RNF212B: variants seen among roughly 807,000 people sequenced by gnomAD.
RNF212B encodes the protein E3 ubiquitin-protein ligase RNF212B.
Under a neutral mutation model 55.5 loss-of-function variants are expected in RNF212B, and 52 were observed. The observed-to-expected ratio is 0.94, with a 90% confidence interval of 0.75 to 1.18. RNF212B has a LOEUF of 1.18. Among genes scored for constraint, RNF212B ranks in the 50% most tolerant of loss-of-function variants. The pLI is 0.00. For missense variants in RNF212B, 289 were observed against 350.4 expected, an observed-to-expected ratio of 0.82 and a Z score of 1.40; for synonymous variants, 99 against 121.4, an observed-to-expected ratio of 0.82 and a Z score of 1.21.
At chr14:23,237,638 C>T (rs1883211190), upstream of RNF212B, among the ~76,000 whole-genome samples, 1 of 152,180 alleles carries the variant, frequency 6.6e-6, no homozygotes, top group South Asian at 2.1e-4. Context: ...ATTGCGTTCT[C>T]ATCGTTTATT....
intron 1 of RNF212B, among the ~76,000 whole-genome samples, chr14:23,185,863 G>A (rs1431488844): frequency 1.3e-5 from 2 of 152,208 alleles, no homozygotes; most frequent in Admixed American, 1.3e-4. Flanking sequence ...ACTTTGGGAG[G>A]CCGAAGCAGG....
intron 2 of RNF212B, among the ~76,000 whole-genome samples, chr14:23,229,262 A>ATATATATATG (rs1882343233): frequency 1.7e-5 from 2 of 116,148 alleles, no homozygotes; most frequent in African/African-American, 3.4e-5. Flanking sequence ...ATATATATAT[A>ATATATATATG]CCACATTGTT....
At chr14:23,245,284 C>G (rs1256504504) in intron 4 of RNF212B, among the ~76,000 whole-genome samples, 5 of 152,130 alleles carry the variant, frequency 3.3e-5, no homozygotes, top group African/African-American at 1.2e-4. Context: ...AGGCTTGCTG[C>G]TTGCTGTCTT....
chr14:23,223,305 C>T (rs1021553200), intron 2 of RNF212B, among the ~76,000 whole-genome samples: 3 of 151,706 alleles, frequency 2.0e-5, no homozygotes, highest in Admixed American at 1.3e-4. Context: ...ATAAAAGCCA[C>T]ATATGACAGA....
intron 2 of RNF212B, among the ~76,000 whole-genome samples, chr14:23,231,938 A>G (rs1874595151): frequency 9.1e-6 from 1 of 109,784 alleles, no homozygotes; most frequent in African/African-American, 4.6e-5. Flanking sequence ...TCGTTCACTC[A>G]GTGCTCAATG....
chr14:23,192,230 T>C (rs1190822397), intron 1 of RNF212B, among the ~76,000 whole-genome samples: 8 of 152,148 alleles, frequency 5.3e-5, no homozygotes, highest in African/African-American at 2.4e-5. Context: ...TAAAGACACA[T>C]GCACATGTAT....
intron 1 of RNF212B, among the ~76,000 whole-genome samples, chr14:23,187,165 TC>T (rs913470338): frequency 4.6e-5 from 7 of 152,210 alleles, no homozygotes; most frequent in Admixed American, 4.6e-4. Flanking sequence ...AAGAAATTGA[TC>T]CCTTTAACTA....
At chr14:23,242,315 T>C (rs934222763) in intron 2 of RNF212B, among the ~76,000 whole-genome samples, 3 of 152,138 alleles carry the variant, frequency 2.0e-5, no homozygotes, top group Non-Finnish European at 2.9e-5. Context: ...TCTCCTGACA[T>C]GGCATTTGTC....
chr14:23,266,480 C>T (rs12896531), intron 11 of RNF212B, among the ~76,000 whole-genome samples: 1 of 129,024 alleles, frequency 7.8e-6, no homozygotes. Context: ...GGTGCAATCT[C>T]GGCTCACCGC....
intron 2 of RNF212B, among the ~76,000 whole-genome samples, chr14:23,221,243 A>G (rs946353955): frequency 3.3e-5 from 5 of 151,890 alleles, no homozygotes; most frequent in African/African-American, 1.2e-4. Flanking sequence ...GAAAAAAAAA[A>G]AAAAAGAAAG....
chr14:23,258,448 G>A (rs1465520662), intron 4 of RNF212B, 101 bp from the exon 5 acceptor site: 1 of 473,260 alleles, frequency 2.1e-6, no homozygotes, highest in South Asian at 4.4e-5. Context: ...AAGAAAATGA[G>A]CAGTATAATA....
intron 3 of RNF212B, 146 bp downstream of exon 3, chr14:23,243,454 G>T (rs1026541377): frequency 8.5e-6 from 6 of 706,244 alleles, no homozygotes; most frequent in Non-Finnish European, 1.4e-5. Flanking sequence ...CCAGCACTTT[G>T]GGAGGTCAAG....
rs767802200 is a variant in RNF212B, at chr14:23,262,937, G to A, written c.491G>A (p.Arg164Gln). The A allele has an allele frequency of 4.8e-5, 74 of 1,550,288 alleles. No individual in the cohort carries two copies. The South Asian group carries it at 8.0e-4, about 17-fold the overall frequency. The change falls in exon 9 of 15, where the codon CGA becomes CAA. Residue 164 changes from arginine (R) to glutamine (Q), a missense_variant. Physicochemically the swap from Arg to Gln is conservative, Grantham distance 43 (BLOSUM62 1). Coordinates refer to ENST00000430154, the MANE Select transcript of RNF212B (RefSeq NM_001282322.3). ...CTTTATTCTCTTTCAGTTACCCCAC[G>A]ACCCAGTTTCCAGCATAGCAGTCAA... ...ITSPSQSVTP[R>Q]PSFQHSSQVV...
chr14:23,218,720 A>G (rs1049089415), intron 2 of RNF212B, among the ~76,000 whole-genome samples: 8 of 152,196 alleles, frequency 5.3e-5, no homozygotes, highest in Non-Finnish European at 7.3e-5. Context: ...TTGGCCTTAA[A>G]GAGGAGGTAA....
chr14:23,244,875 T>C (rs1883880438), intron 4 of RNF212B, among the ~76,000 whole-genome samples: 1 of 152,230 alleles, frequency 6.6e-6, no homozygotes, highest in Non-Finnish European at 1.5e-5. Context: ...CATTTAGTGT[T>C]CATAACTGGT....
chr14:23,208,569 A>T (rs1227853853), intron 2 of RNF212B, among the ~76,000 whole-genome samples: 1 of 152,158 alleles, frequency 6.6e-6, no homozygotes, highest in Non-Finnish European at 1.5e-5. Flanking sequence ...GCAACAAAAT[A>T]AGTAGCACAG....
At chr14:23,269,749 C>T (rs2140489946) in intron 12 of RNF212B, 114 bp from the exon 13 acceptor site, 1 of 619,734 alleles carries the variant, frequency 1.6e-6, no homozygotes, top group East Asian at 2.8e-5. Context: ...CAGTTGCAAG[C>T]AGGGAATTTT....
upstream of RNF212B, among the ~76,000 whole-genome samples, chr14:23,233,017 T>C (rs1274512792): frequency 6.6e-6 from 1 of 152,224 alleles, no homozygotes; most frequent in Non-Finnish European, 1.5e-5. Flanking sequence ...GCTGTGTCTG[T>C]GTAGAAAGAA....
At chr14:23,260,729 A>G in intron 7 of RNF212B, 42 bp downstream of exon 7, 1 of 1,535,298 alleles carries the variant, frequency 6.5e-7, no homozygotes, top group Non-Finnish European at 8.8e-7. Flanking sequence ...CCCCCTGAAA[A>G]TTCCTGTTCT....
Sources: allele counts gnomAD v4.1 joint callset (sites outside exome capture counted in the v4.1 genomes callset), GRCh38; gene constraint gnomAD v4.1.1; transcripts MANE v1.5; gene names NCBI Gene and HGNC (gene_info 2026-07-23, HGNC 2026-07-21).